The following TNS3 variants were observed in gnomAD, a reference collection of about 807,000 sequenced individuals.
TNS3 encodes tensin 3, also known as tensin-3.
TNS3 carries 45 observed loss-of-function variants against 140.9 expected under a neutral mutation model. The observed-to-expected ratio is 0.32, with a 90% CI of 0.25 to 0.41. TNS3 has a LOEUF of 0.41. Among genes scored for constraint, TNS3 ranks in the 10% least tolerant of loss-of-function variants. TNS3 has a pLI of 1.00. For missense variants in TNS3, 1,716 were observed against 1,906.7 expected, an observed-to-expected ratio of 0.90 and a Z score of 1.86; for synonymous variants, 815 against 788.4, an observed-to-expected ratio of 1.03 and a Z score of -0.56.
intron 2 of TNS3, among the ~76,000 whole-genome samples, chr7:47,513,873 C>A (rs1348947560): frequency 2.6e-5 from 4 of 152,220 alleles, no homozygotes; most frequent in Non-Finnish European, 5.9e-5. Context: ...CCTTGTCAGA[C>A]GAGGTTTCCA....
At chr7:47,446,348 C>T (rs760535734) in intron 4 of TNS3, among the ~76,000 whole-genome samples, 4 of 152,164 alleles carry the variant, frequency 2.6e-5, no homozygotes, top group Non-Finnish European at 4.4e-5. Context: ...TGCCTGCTCA[C>T]GTCCTCAGAA....
chr7:47,492,931 A>T (rs1413703879), intron 3 of TNS3, among the ~76,000 whole-genome samples: 1 of 152,232 alleles, frequency 6.6e-6, no homozygotes, highest in Non-Finnish European at 1.5e-5. Flanking sequence ...CTGAGCTCAC[A>T]GGGAGCAGAG....
chr7:47,278,594 T>G, intron 30 of TNS3: 1 of 183,626 alleles, frequency 5.4e-6, no homozygotes, highest in Non-Finnish European at 1.1e-5. Flanking sequence ...AGTCCTGACA[T>G]ACTGGACCAC....
chr7:47,522,928 A>AAAAAG (rs1799043019), intron 2 of TNS3, among the ~76,000 whole-genome samples: 1 of 22,592 alleles, frequency 4.4e-5, no homozygotes, highest in East Asian at 2.1e-3. Context: ...ACTCCATCTC[A>AAAAAG]AAAAAAAAAA....
chr7:47,419,747 T>C (rs1794272793), intron 10 of TNS3, among the ~76,000 whole-genome samples: 1 of 152,188 alleles, frequency 6.6e-6, no homozygotes, highest in Admixed American at 6.5e-5. Flanking sequence ...CTTTTGCATT[T>C]CTGACAACTG....
rs1789434173 is a variant in TNS3, at chr7:47,347,797, T to TG, written c.2282-1442dup. ...GAAGTGTGCGTTAGGACCTGGGATT[T>TG]GGGGTCTCACGTGTATCCCTCACCA... On this transcript the variant is annotated intron_variant, in intron 17 of 30. Coordinates refer to ENST00000311160, the MANE Select transcript of TNS3 (RefSeq NM_022748.12). 2.0e-5 allele frequency among the ~76,000 whole-genome samples: 3 copies of TG among 152,206 alleles called. No individual in the cohort carries two copies. In the South Asian group the frequency reaches 6.2e-4, roughly 31 times the overall value.
intron 13 of TNS3, among the ~76,000 whole-genome samples, chr7:47,409,419 G>A (rs555779701): frequency 1.3e-5 from 2 of 152,200 alleles, no homozygotes; most frequent in Admixed American, 1.3e-4. Flanking sequence ...GTGGGCGGTA[G>A]GGGGGAAGAC....
intron 3 of TNS3, among the ~76,000 whole-genome samples, chr7:47,484,121 C>G (rs1797526721): frequency 6.6e-6 from 1 of 152,208 alleles, no homozygotes; most frequent in Non-Finnish European, 1.5e-5. Context: ...TCCAAGAGAA[C>G]CAGTCACAGG....
chr7:47,544,678 G>A (rs1799874253), intron 1 of TNS3, among the ~76,000 whole-genome samples: 1 of 151,982 alleles, frequency 6.6e-6, no homozygotes, highest in Admixed American at 6.6e-5. Context: ...ATAACCACAA[G>A]CCCAAGTCCC....
At chr7:47,417,027 G>A (rs1026741941) in intron 10 of TNS3, among the ~76,000 whole-genome samples, 3 of 152,176 alleles carry the variant, frequency 2.0e-5, no homozygotes, top group African/African-American at 2.4e-5. Flanking sequence ...CGGCTAAGAC[G>A]GACCTGTTCC....
At chr7:47,488,258 A>G (rs1374896998) in intron 3 of TNS3, among the ~76,000 whole-genome samples, 1 of 152,238 alleles carries the variant, frequency 6.6e-6, no homozygotes, top group East Asian at 1.9e-4. Flanking sequence ...TAATCACAGA[A>G]GGAAAGTCCC....
chr7:47,459,064 T>C (rs1796375985), intron 4 of TNS3, among the ~76,000 whole-genome samples: 1 of 152,234 alleles, frequency 6.6e-6, no homozygotes, highest in Admixed American at 6.5e-5. Flanking sequence ...TATTTTCTTC[T>C]GCACTGCAAT....
chr7:47,335,571 C>A (rs1788587505), intron 20 of TNS3, among the ~76,000 whole-genome samples: 1 of 152,238 alleles, frequency 6.6e-6, no homozygotes, highest in Admixed American at 6.5e-5. Flanking sequence ...AGGGCTCAGC[C>A]ACCCAGGGCC....
chr7:47,303,061 G>T lies in TNS3; in HGVS notation c.3346C>A (p.Pro1116Thr), dbSNP rs766536504. The change falls in exon 22 of 31, where the codon CCC becomes ACC. Residue 1116 changes from proline to threonine, a missense_variant. This residue lies in a region of TNS3 where 1,163 missense variants were observed against 1,182.1 expected (regional missense o/e 0.98). Coordinates refer to ENST00000311160, the MANE Select transcript of TNS3 (RefSeq NM_022748.12). ...EGDRSLGSVS[P>T]SSSGFSSPHS... ...GGGCTGGAGAAGCCACTGGAGGAGG[G>T]AGAGACTGAGCCCAAAGAACGATCC... is the stretch of plus-strand genomic sequence containing the variant. 4 of 1,614,118 alleles carry T rather than the reference G, an allele frequency of 2.5e-6. No individual in the cohort carries two copies. Among genetic ancestry groups the T allele is most frequent in the Non-Finnish European group, 3.4e-6 (4 of 1,180,048 alleles).
In TNS3 at chr7:47,391,643, G is replaced by C. The variant is rs181585850; in HGVS notation, c.1024+5157C>G. On this transcript the variant is annotated intron_variant, in intron 16 of 30. Transcript: ENST00000311160. ...TAGGGCTCAGCAACATGGGGGTCCA[G>C]AGCTTTGCAGAGCCTCCCTGAAGAG... Among the ~76,000 whole-genome samples, 7 of 152,342 alleles carry C rather than the reference G, an allele frequency of 4.6e-5. No individual in the cohort carries two copies. The East Asian group carries it at 1.4e-3, about 29-fold the overall frequency.
chr7:47,452,909 G>T, intron 4 of TNS3: 5 of 985,490 alleles, frequency 5.1e-6, no homozygotes, highest in Non-Finnish European at 6.0e-6. Context: ...CCGAGAGGCG[G>T]CACGTGGGGA....
In TNS3 at chr7:47,368,932, C is replaced by T. The variant is rs778983818; in HGVS notation, c.1714G>A (p.Val572Met). ...CCATAGGCCTGCATCTGGGCGGACACTGAGGGCTTTCTCAGCAGGGGCTGG... is the reference window on the plus strand; with the variant it reads ...CCATAGGCCTGCATCTGGGCGGACATTGAGGGCTTTCTCAGCAGGGGCTGG... The part of the protein sequence containing the change: ...QPQPLLRKPS[V>M]SAQMQAYGQS... The change falls in exon 17 of 31, where the codon GTG (valine) becomes ATG (methionine). Residue 572 changes from valine to methionine, a missense_variant. Transcript: ENST00000311160. 2 of 1,613,520 alleles carry T rather than the reference C, an allele frequency of 1.2e-6. No homozygotes were observed. The highest frequency in any genetic ancestry group is 2.2e-5 in the East Asian group (1 of 44,866).
At chr7:47,303,669 A>C (rs1018614950) in intron 21 of TNS3, 85 bp from the exon 22 acceptor site, 1 of 1,453,392 alleles carries the variant, frequency 6.9e-7, no homozygotes, top group Non-Finnish European at 9.1e-7. Flanking sequence ...ACACGGGAAG[A>C]CAGGGATGGG....
chr7:47,302,528 G>A lies in TNS3; in HGVS notation c.3458-256C>T, dbSNP rs563938864. ...TTAAGAATACATAGGAAGGTAGTGA[G>A]GAAAGAGAGGGTAAGGTTGGTGTTG... On this transcript the variant is annotated intron_variant, in intron 22 of 30. Coordinates refer to ENST00000311160, the MANE Select transcript of TNS3 (RefSeq NM_022748.12). 2.2e-4 allele frequency among the ~76,000 whole-genome samples: 34 copies of A among 152,348 alleles called. No homozygotes were observed. In the South Asian group the frequency reaches 6.8e-3, roughly 31 times the overall value.
Sources: gnomAD v4.1 joint callset for allele counts (sites outside exome capture counted in the v4.1 genomes callset) on GRCh38, gnomAD v4.1.1 for gene constraint, gnomAD v4.1.1 regional missense constraint, MANE v1.5 for transcripts, NCBI Gene and HGNC (gene_info 2026-07-23, HGNC 2026-07-21) for gene names.